The following EPHA5 variants were observed in gnomAD, a reference collection of about 807,000 sequenced individuals.
EPHA5 encodes EPH receptor A5, also known as ephrin type-A receptor 5.
EPHA5 carries 60 observed loss-of-function variants against 105.0 expected under a neutral mutation model. That is an observed-to-expected ratio of 0.57 (90% CI 0.46 to 0.71). The LOEUF (loss-of-function observed/expected upper bound fraction) is 0.71, where lower values mean the gene tolerates loss of function less well. Ranked by LOEUF, EPHA5 falls within the 30% of genes least tolerant of loss-of-function variation. EPHA5 has a pLI of 0.00. For missense variants in EPHA5, 1,218 were observed against 1,274.7 expected (o/e 0.96, Z 0.68); for synonymous variants, 513 against 449.1 (o/e 1.14, Z -1.80).
intron 14 of EPHA5, among the ~76,000 whole-genome samples, chr4:65,346,840 CA>C (rs1186666368): frequency 6.6e-6 from 1 of 152,170 alleles, no homozygotes. Context: ...AGACACTTCT[CA>C]AAAGAAGACA....
At chr4:65,562,802 T>C (rs1294052921) in intron 3 of EPHA5, among the ~76,000 whole-genome samples, 2 of 151,950 alleles carry the variant, frequency 1.3e-5, no homozygotes. Flanking sequence ...TAATTAAATA[T>C]AACATTTAAA....
At chr4:65,592,798 C>T (rs971370468) in intron 3 of EPHA5, among the ~76,000 whole-genome samples, 1 of 152,164 alleles carries the variant, frequency 6.6e-6, no homozygotes, top group South Asian at 2.1e-4. Context: ...TAGCACCATA[C>T]CATGATGTCA....
At chr4:65,580,123 G>A (rs1741471426) in intron 3 of EPHA5, among the ~76,000 whole-genome samples, 1 of 151,578 alleles carries the variant, frequency 6.6e-6, no homozygotes, top group Non-Finnish European at 1.5e-5. Context: ...GTTAAATAAT[G>A]TTTAGTCACT....
intron 6 of EPHA5, 25 bp downstream of exon 6, chr4:65,420,416 A>G (rs1723832120): frequency 6.5e-7 from 1 of 1,534,594 alleles, no homozygotes; most frequent in Non-Finnish European, 8.7e-7. Flanking sequence ...GAAAGTGAGG[A>G]CATTTTTTAT....
At chr4:65,412,059 T>C (rs964702776) in intron 7 of EPHA5, among the ~76,000 whole-genome samples, 1 of 152,120 alleles carries the variant, frequency 6.6e-6, no homozygotes, top group Non-Finnish European at 1.5e-5. Context: ...AGAAACCTCA[T>C]CTCTATTAAA....
At chr4:65,444,067 G>A (rs1019415173) in intron 5 of EPHA5, among the ~76,000 whole-genome samples, 16 of 152,162 alleles carry the variant, frequency 1.1e-4, no homozygotes, top group Non-Finnish European at 1.8e-4. Context: ...TGATATAGTG[G>A]ACCTGTGTAC....
rs185998025 is a variant in EPHA5 at position 65,466,421 on chromosome 4, T to C, written c.1402+23956A>G. Among the ~76,000 whole-genome samples, 10 of 152,334 alleles carry C rather than the reference T, an allele frequency of 6.6e-5. No homozygotes were observed. The East Asian group carries it at 1.7e-3, about 26-fold the overall frequency. ...AAATAAATGATAAAGTTCCAGAACCTGTAGGACTATGTCTCCCATTCTGAG... is the reference window on the plus strand; with the variant it reads ...AAATAAATGATAAAGTTCCAGAACCCGTAGGACTATGTCTCCCATTCTGAG... On this transcript the variant is annotated intron_variant, in intron 5 of 16. Transcript: ENST00000613740.
At chr4:65,638,566 C>T (rs750428241) in intron 2 of EPHA5, among the ~76,000 whole-genome samples, 68 of 152,118 alleles carry the variant, frequency 4.5e-4, no homozygotes, top group African/African-American at 7.5e-4. Context: ...GGAAAAACCC[C>T]GTCTCTACTA....
At chr4:65,638,563 C>T (rs570707269) in intron 2 of EPHA5, among the ~76,000 whole-genome samples, 3 of 152,144 alleles carry the variant, frequency 2.0e-5, no homozygotes, top group Non-Finnish European at 2.9e-5. Flanking sequence ...CATGGAAAAA[C>T]CCCGTCTCTA....
chr4:65,609,989 A>G (rs1236668624), intron 2 of EPHA5, among the ~76,000 whole-genome samples: 1 of 152,126 alleles, frequency 6.6e-6, no homozygotes, highest in Non-Finnish European at 1.5e-5. Flanking sequence ...AAGATGTCAT[A>G]AACACTTCAA....
rs567415005 is a variant in EPHA5 at position 65,475,775 on chromosome 4, T to A, written c.1402+14602A>T. Among the ~76,000 whole-genome samples, 7 of 152,244 alleles carry A rather than the reference T, an allele frequency of 4.6e-5. No individual in the cohort carries two copies. In the East Asian group the frequency reaches 1.4e-3, roughly 29 times the overall value. On this transcript the variant is annotated intron_variant, in intron 5 of 16. Coordinates refer to ENST00000613740, the MANE Select transcript of EPHA5 (RefSeq NM_001281766.3). ...TCAGTTAATAGATTGTTGACCACGT[T>A]TACATTGAATAGCAAATCTGTTTGC...
intron 3 of EPHA5, among the ~76,000 whole-genome samples, chr4:65,508,901 G>T (rs1386586151): frequency 3.9e-5 from 6 of 152,052 alleles, no homozygotes. Flanking sequence ...TATAGTACAG[G>T]AAATATAGAG....
intron 2 of EPHA5, among the ~76,000 whole-genome samples, chr4:65,633,088 C>T (rs1247839695): frequency 6.6e-6 from 1 of 151,938 alleles, no homozygotes; most frequent in Non-Finnish European, 1.5e-5. Context: ...GTCATTTTCT[C>T]CATTAGTGCA....
intron 15 of EPHA5, among the ~76,000 whole-genome samples, chr4:65,332,467 T>C (rs965350764): frequency 4.0e-5 from 6 of 151,730 alleles, no homozygotes; most frequent in African/African-American, 1.5e-4. Flanking sequence ...TGTATAATAG[T>C]ATAATGGTGG....
chr4:65,479,397 A>C (rs1198474500), intron 5 of EPHA5, among the ~76,000 whole-genome samples: 1 of 152,218 alleles, frequency 6.6e-6, no homozygotes, highest in African/African-American at 2.4e-5. Flanking sequence ...AGATGCAAGC[A>C]AACAGAATTT....
intron 2 of EPHA5, among the ~76,000 whole-genome samples, chr4:65,632,535 C>CAAAAA (rs35050180): frequency 2.3e-3 from 293 of 125,848 alleles, no homozygotes; most frequent in African/African-American, 7.3e-3. Flanking sequence ...CAATTTTCAG[C>CAAAAA]AAAAAAAAAA....
chr4:65,656,815 G>A (rs1305106530), intron 1 of EPHA5, among the ~76,000 whole-genome samples: 2 of 150,840 alleles, frequency 1.3e-5, no homozygotes, highest in African/African-American at 2.4e-5. Context: ...AGTCTCCATA[G>A]CATTTATAAT....
At chr4:65,491,666 T>C (rs1172911073) in intron 4 of EPHA5, among the ~76,000 whole-genome samples, 4 of 152,080 alleles carry the variant, frequency 2.6e-5, no homozygotes, top group South Asian at 4.1e-4. Context: ...TTTTAAAATA[T>C]ATTTTATATT....
chr4:65,651,458 T>A (rs1748602897), intron 1 of EPHA5, among the ~76,000 whole-genome samples: 1 of 152,168 alleles, frequency 6.6e-6, no homozygotes, highest in Admixed American at 6.5e-5. Context: ...CTATTCTCCT[T>A]CCATGATGTT....
Sources: gnomAD v4.1 joint callset for allele counts (sites outside exome capture counted in the v4.1 genomes callset) on GRCh38, gnomAD v4.1.1 for gene constraint, MANE v1.5 for transcripts, NCBI Gene and HGNC (gene_info 2026-07-23, HGNC 2026-07-21) for gene names.